Variants in SKAP1 observed in about 807,000 individuals in gnomAD.
The protein encoded by SKAP1 is src kinase associated phosphoprotein 1.
SKAP1 carries 44 observed loss-of-function variants against 58.5 expected under a neutral mutation model. The ratio of observed to expected loss-of-function variants is 0.75; its 90% CI spans 0.59 to 0.97. SKAP1 has a LOEUF of 0.97. Ranked by LOEUF, SKAP1 falls within the 50% of genes least tolerant of loss-of-function variation. The probability of loss-of-function intolerance (pLI) is 0.00; values close to 1 mark genes in which losing one functional copy is unlikely to be tolerated. For synonymous variants in SKAP1, 127 were observed against 149.7 expected, an observed-to-expected ratio of 0.85 and a Z score of 1.11; for missense variants, 390 against 435.2, an observed-to-expected ratio of 0.90 and a Z score of 0.92.
chr17:48,181,934 T>C (rs912830979), intron 8 of SKAP1, among the ~76,000 whole-genome samples: 4 of 152,212 alleles, frequency 2.6e-5, no homozygotes, highest in Non-Finnish European at 5.9e-5. Flanking sequence ...AATAACAGTT[T>C]GTTTTTAATG....
rs185997873 is a variant in SKAP1 at position 48,168,967 on chromosome 17, G to A, written c.877+1642C>T. On this transcript the variant is annotated intron_variant, in intron 10 of 12. Coordinates refer to ENST00000336915, the MANE Select transcript of SKAP1 (RefSeq NM_003726.4). ...ATTCCTGCCTCAGATTCTGCAGAGA[G>A]AGCAAAAAGTCCTCCTGTTTTTTAA... Among the ~76,000 whole-genome samples, 56 of 152,278 alleles carry A rather than the reference G, an allele frequency of 3.7e-4. 1 individual carries two copies. Among genetic ancestry groups the A allele is most frequent in the Admixed American group, 1.6e-3 (25 of 15,304 alleles).
At chr17:48,432,855 A>G (rs764063382), upstream of SKAP1, among the ~76,000 whole-genome samples, 1 of 152,214 alleles carries the variant, frequency 6.6e-6, no homozygotes, top group Non-Finnish European at 1.5e-5. Context: ...AACCCAGGTA[A>G]TTGCACTTCT....
intron 1 of SKAP1, among the ~76,000 whole-genome samples, chr17:48,429,640 GGA>G (rs1473585908): frequency 6.6e-6 from 1 of 152,174 alleles, no homozygotes; most frequent in Non-Finnish European, 1.5e-5. Context: ...GCAGCCCCCT[GGA>G]GAGCCTCGGG....
chr17:48,234,352 T>C (rs959265106), intron 4 of SKAP1, among the ~76,000 whole-genome samples: 11 of 152,312 alleles, frequency 7.2e-5, no homozygotes, highest in African/African-American at 2.4e-4. Context: ...TTGACTACAA[T>C]AAAGACATGA....
chr17:48,436,377 C>T, the SKAP1 span, among the ~76,000 whole-genome samples: 1 of 152,238 alleles, frequency 6.6e-6, no homozygotes, highest in South Asian at 2.1e-4. Flanking sequence ...TGGCCAACAA[C>T]TGTACCCGGC....
At chr17:48,371,144 AAG>A (rs1451610367) in intron 2 of SKAP1, among the ~76,000 whole-genome samples, 1 of 152,176 alleles carries the variant, frequency 6.6e-6, no homozygotes, top group Non-Finnish European at 1.5e-5. Context: ...GGGAAAGAGA[AAG>A]AGGGGTAGGA....
chr17:48,293,573 A>T (rs2065925206), intron 4 of SKAP1, among the ~76,000 whole-genome samples: 1 of 152,202 alleles, frequency 6.6e-6, no homozygotes. Flanking sequence ...ATCACACATC[A>T]TATCCTGGTA....
At chr17:48,395,721 G>T (rs1042632424) in intron 2 of SKAP1, among the ~76,000 whole-genome samples, 1 of 152,152 alleles carries the variant, frequency 6.6e-6, no homozygotes, top group African/African-American at 2.4e-5. Flanking sequence ...GTCCCCAGTT[G>T]CTGAGTAAAA....
intron 4 of SKAP1, among the ~76,000 whole-genome samples, chr17:48,222,760 A>G (rs2065019331): frequency 6.6e-6 from 1 of 151,036 alleles, no homozygotes; most frequent in Admixed American, 6.6e-5. Flanking sequence ...AATAATTTTA[A>G]TGCTTCCTAA....
intron 2 of SKAP1, among the ~76,000 whole-genome samples, chr17:48,371,594 G>A (rs909896150): frequency 7.4e-6 from 1 of 136,000 alleles, no homozygotes; most frequent in Non-Finnish European, 1.5e-5. Context: ...AGGCAGGTAG[G>A]TTGCTTGGAT....
At chr17:48,368,945 G>A (rs1442698423) in intron 2 of SKAP1, among the ~76,000 whole-genome samples, 1 of 152,144 alleles carries the variant, frequency 6.6e-6, no homozygotes, top group Admixed American at 6.5e-5. Context: ...ATAAGTTCAA[G>A]AGCAGCCTGA....
intron 4 of SKAP1, among the ~76,000 whole-genome samples, chr17:48,322,473 G>A (rs7221770): frequency 0.33 from 50,784 of 152,050 alleles, 9,181 homozygotes; most frequent in African/African-American, 0.47. Flanking sequence ...GAAAGAGTGG[G>A]CTGGATATTT....
At chr17:48,183,897 T>A (rs1243683154) in intron 7 of SKAP1, among the ~76,000 whole-genome samples, 2 of 152,136 alleles carry the variant, frequency 1.3e-5, no homozygotes, top group African/African-American at 4.8e-5. Flanking sequence ...AGTGGTTAAT[T>A]TACTCTTAGT....
chr17:48,307,503 T>A (rs2066161818), intron 4 of SKAP1: 1 of 152,352 alleles, frequency 6.6e-6, no homozygotes, highest in Admixed American at 6.5e-5. Context: ...GAAAAACCAA[T>A]ATGTCCACGC....
At chr17:48,411,605 A>G (rs1008080972) in intron 1 of SKAP1, among the ~76,000 whole-genome samples, 11 of 152,170 alleles carry the variant, frequency 7.2e-5, no homozygotes, top group African/African-American at 2.4e-4. Context: ...CTTACAATAG[A>G]GAAACCTGAC....
At chr17:48,255,180 T>C (rs1318973324) in intron 4 of SKAP1, among the ~76,000 whole-genome samples, 2 of 152,040 alleles carry the variant, frequency 1.3e-5, no homozygotes, top group Admixed American at 1.3e-4. Context: ...ATTGGGCTTA[T>C]CTTGTTTTTA....
At chr17:48,176,481 A>C (rs1567806694) in intron 9 of SKAP1, among the ~76,000 whole-genome samples, 1 of 152,212 alleles carries the variant, frequency 6.6e-6, no homozygotes, top group Non-Finnish European at 1.5e-5. Context: ...GAGAGGGCTC[A>C]GAAAAGCCTC....
chr17:48,206,824 T>TA (rs986629622), intron 4 of SKAP1, among the ~76,000 whole-genome samples: 2 of 152,168 alleles, frequency 1.3e-5, no homozygotes, highest in South Asian at 4.1e-4. Context: ...ATTATTTGAT[T>TA]AAAAAAAATT....
intron 4 of SKAP1, among the ~76,000 whole-genome samples, chr17:48,338,992 T>C (rs2066613044): frequency 6.6e-6 from 1 of 152,218 alleles, no homozygotes; most frequent in African/African-American, 2.4e-5. Context: ...CACCAAGTCC[T>C]TAATTTCTCC....
Sources: allele counts gnomAD v4.1 joint callset (sites outside exome capture counted in the v4.1 genomes callset), GRCh38; gene constraint gnomAD v4.1.1; transcripts MANE v1.5; gene names NCBI Gene and HGNC (gene_info 2026-07-23, HGNC 2026-07-21).